The following RBM47 variants were observed in gnomAD, a reference collection of about 807,000 sequenced individuals.
The protein encoded by RBM47 is RNA binding motif protein 47.
RBM47 carries 21 observed loss-of-function variants against 47.1 expected under a neutral mutation model. The observed-to-expected ratio is 0.45, with a 90% CI of 0.32 to 0.64. The LOEUF (loss-of-function observed/expected upper bound fraction) is 0.64, where lower values mean the gene tolerates loss of function less well. RBM47 is among the 30% of genes least tolerant of loss of function. The pLI is 0.05. For synonymous variants in RBM47, 375 were observed against 361.7 expected (o/e 1.04, Z -0.42); for missense variants, 708 against 870.9 (o/e 0.81, Z 2.35).
At chr4:40,575,726 G>A (rs775563839) in intron 1 of RBM47, among the ~76,000 whole-genome samples, 1 of 152,134 alleles carries the variant, frequency 6.6e-6, no homozygotes, top group Non-Finnish European at 1.5e-5. Context: ...GCCCAGGACT[G>A]TCCTGGTTTT....
At chr4:40,523,814 G>A (rs973728566) in intron 2 of RBM47, among the ~76,000 whole-genome samples, 1 of 149,950 alleles carries the variant, frequency 6.7e-6, no homozygotes, top group Non-Finnish European at 1.5e-5. Context: ...GCAGTGAGCA[G>A]TAATCGCGCC....
chr4:40,477,804 C>T lies in RBM47; in HGVS notation c.-154-11105G>A, dbSNP rs571051680. On this transcript the variant is annotated intron_variant, in intron 2 of 6. Coordinates refer to ENST00000295971, the MANE Select transcript of RBM47 (RefSeq NM_001098634.2). ...TAAAAAATGAGCAAATTTTTCCTGCCTTGGCTTTGAACAAAGTTAATTTAA... is the reference window on the plus strand; with the variant it reads ...TAAAAAATGAGCAAATTTTTCCTGCTTTGGCTTTGAACAAAGTTAATTTAA... 6.4e-4 allele frequency among the ~76,000 whole-genome samples: 98 copies of T among 152,162 alleles called. 1 individual carries two copies. Among genetic ancestry groups the T allele is most frequent in the Non-Finnish European group, 1.1e-3 (78 of 68,016 alleles).
At position 40,500,962 on chromosome 4, in the gene RBM47, T is replaced by C. The variant is rs185944204; in HGVS notation, c.-154-34263A>G. 2.0e-3 allele frequency among the ~76,000 whole-genome samples: 302 copies of C among 152,156 alleles called. 1 individual carries two copies. The highest frequency in any genetic ancestry group is 3.7e-3 in the Non-Finnish European group (252 of 68,010). The stretch of plus-strand genomic sequence containing the variant: ...TCACTTGTTTCTGAATTTCAAATTC[T>C]AAGGTTTGAAAAAATATCTGCAAGT... On this transcript the variant is annotated intron_variant, in intron 2 of 6. Transcript: ENST00000295971.
In RBM47 at chr4:40,438,353, C is replaced by T; in HGVS notation, c.541G>A (p.Val181Met). ...TCGGCCGCGCTGGCGTAGACGATCA[C>T]GTCCAGCACGCCCTCGGTGACCTTG... ...IAKVTEGVLD[V>M]IVYASAADKM... Residue 181 changes from valine to methionine, a missense_variant, in exon 4 of 7, where the codon GTG becomes ATG. Coordinates refer to ENST00000295971, the MANE Select transcript of RBM47 (RefSeq NM_001098634.2). The T allele has an allele frequency of 6.2e-7, 1 of 1,611,542 alleles. No individual in the cohort carries two copies. Among genetic ancestry groups the T allele is most frequent in the Non-Finnish European group, 8.5e-7 (1 of 1,179,952 alleles).
intron 2 of RBM47, chr4:40,542,779 C>G (rs746530219): frequency 1.3e-5 from 2 of 152,186 alleles, no homozygotes; most frequent in Non-Finnish European, 2.9e-5. Flanking sequence ...TCAAGTGATC[C>G]TCTCACCCTG....
rs770053547 is a variant in RBM47 at position 40,423,670 on chromosome 4, TTC to T, written c.*2232_*2233del. On this transcript the variant is annotated 3_prime_UTR_variant, in exon 7 of 7. Transcript: ENST00000295971. ...TCTTTCTTTTTCTTTCTTTCTTTCT[TTC>T]TTTCTTTCTTTCTTTCTTTCTTTCT... The T allele has an allele frequency of 5.6e-5, 6 of 106,830 alleles. No homozygotes were observed. The highest frequency in any genetic ancestry group is 1.0e-4 in the Non-Finnish European group (6 of 58,022). The allele number at this position is 106,830 out of a possible 1,614,324, so 6.6% of individuals were successfully genotyped here.
rs114158801 is a variant in RBM47 at position 40,467,373 on chromosome 4, G to A, written c.-154-674C>T. ...TGCGTAGTCTCGGCTCACTGCAAACGCCACCTCCCAGGTTCATGCGATTCT... is the reference window on the plus strand; with the variant it reads ...TGCGTAGTCTCGGCTCACTGCAAACACCACCTCCCAGGTTCATGCGATTCT... On this transcript the variant is annotated intron_variant, in intron 2 of 6. Coordinates refer to ENST00000295971, the MANE Select transcript of RBM47 (RefSeq NM_001098634.2). Among the ~76,000 whole-genome samples, 830 of 149,560 alleles carry A rather than the reference G, an allele frequency of 5.5e-3. 3 individuals carry two copies. The highest frequency in any genetic ancestry group is 0.019 in the African/African-American group (780 of 40,834).
intron 1 of RBM47, among the ~76,000 whole-genome samples, chr4:40,586,369 C>A (rs1172826495): frequency 6.6e-6 from 1 of 151,828 alleles, no homozygotes; most frequent in Non-Finnish European, 1.5e-5. Context: ...GGAAGGTAAG[C>A]CTTTGACCAC....
At chr4:40,428,180 T>C (rs1053412948) in intron 6 of RBM47, among the ~76,000 whole-genome samples, 1 of 150,342 alleles carries the variant, frequency 6.7e-6, no homozygotes, top group African/African-American at 2.5e-5. Flanking sequence ...GCAATGGAAG[T>C]GAGACCTTGT....
chr4:40,537,060 A>G (rs1577910166), intron 2 of RBM47, among the ~76,000 whole-genome samples: 4 of 152,248 alleles, frequency 2.6e-5, no homozygotes, highest in African/African-American at 9.6e-5. Flanking sequence ...AAAGTAACTA[A>G]CCACTAGATC....
chr4:40,428,959 T>C (rs1715474977), intron 6 of RBM47, among the ~76,000 whole-genome samples: 1 of 152,164 alleles, frequency 6.6e-6, no homozygotes, highest in Non-Finnish European at 1.5e-5. Context: ...TTACCCGCGG[T>C]CAACTGAAGT....
At chr4:40,577,438 A>G (rs1257966025) in intron 1 of RBM47, among the ~76,000 whole-genome samples, 1 of 152,060 alleles carries the variant, frequency 6.6e-6, no homozygotes. Context: ...CCTCAGAAAG[A>G]TCAGGGAGTT....
chr4:40,581,848 C>T (rs35512105), intron 1 of RBM47, among the ~76,000 whole-genome samples: 13,959 of 150,454 alleles, frequency 0.093, 2,058 homozygotes, highest in African/African-American at 0.32. Flanking sequence ...GTCTCCTGAA[C>T]GCCAGCCCCA....
intron 1 of RBM47, among the ~76,000 whole-genome samples, chr4:40,611,178 T>C (rs1736228765): frequency 6.6e-6 from 1 of 152,216 alleles, no homozygotes; most frequent in Non-Finnish European, 1.5e-5. Flanking sequence ...TGCTTCAGTC[T>C]CTCTAGGTAA....
At chr4:40,494,970 T>A (rs1443553195) in intron 2 of RBM47, among the ~76,000 whole-genome samples, 3 of 152,174 alleles carry the variant, frequency 2.0e-5, no homozygotes, top group African/African-American at 7.2e-5. Context: ...AAGCTATTTT[T>A]AAAATTTTCT....
rs60807310 is a variant in RBM47, at chr4:40,581,451, A to AAT, written c.-239-36947_-239-36946dup. On this transcript the variant is annotated intron_variant, in intron 1 of 6. Transcript: ENST00000295971. ...AAAAGTAATAATAAATAAATAAATA[A>AAT]ATAAATAAATAAATAAAAGGAGAGG... Among the ~76,000 whole-genome samples, 471 of 149,652 alleles carry AAT rather than the reference A, an allele frequency of 3.1e-3. 7 individuals are homozygous for AAT. The highest frequency in any genetic ancestry group is 0.029 in the East Asian group (148 of 5,152).
At chr4:40,515,447 C>T (rs868547653) in intron 2 of RBM47, among the ~76,000 whole-genome samples, 1 of 152,130 alleles carries the variant, frequency 6.6e-6, no homozygotes, top group Non-Finnish European at 1.5e-5. Flanking sequence ...AGACCAAGAC[C>T]GTCTAGAGAA....
intron 4 of RBM47, among the ~76,000 whole-genome samples, chr4:40,437,420 T>C (rs1386229506): frequency 1.3e-5 from 2 of 150,008 alleles, no homozygotes; most frequent in Non-Finnish European, 1.5e-5. Flanking sequence ...AATCACGGAC[T>C]CCACCAACAT....
At chr4:40,608,167 G>GA (rs1027885003) in intron 1 of RBM47, among the ~76,000 whole-genome samples, 33 of 150,376 alleles carry the variant, frequency 2.2e-4, no homozygotes, top group African/African-American at 5.1e-4. Context: ...TTATATCTCA[G>GA]AAAAAAAAAA....
Sources: allele counts gnomAD v4.1 joint callset (sites outside exome capture counted in the v4.1 genomes callset), GRCh38; gene constraint gnomAD v4.1.1; transcripts MANE v1.5; gene names NCBI Gene and HGNC (gene_info 2026-07-23, HGNC 2026-07-21).